Variants in ZBBX observed in about 807,000 individuals in gnomAD.
ZBBX encodes the protein zinc finger B-box domain-containing protein 1.
In ZBBX, 101 loss-of-function variants were observed where a neutral mutation model predicts 108.5. The observed-to-expected ratio is 0.93, with a 90% confidence interval of 0.79 to 1.10. ZBBX has a LOEUF of 1.10. ZBBX is among the 50% of genes least tolerant of loss of function. The probability of loss-of-function intolerance (pLI) is 0.00; values close to 1 mark genes in which losing one functional copy is unlikely to be tolerated. For synonymous variants in ZBBX, 356 were observed against 323.4 expected, an observed-to-expected ratio of 1.10 and a Z score of -1.08; for missense variants, 1,009 against 941.4, an observed-to-expected ratio of 1.07 and a Z score of -0.94.
the ZBBX span, among the ~76,000 whole-genome samples, chr3:167,214,673 A>AT: frequency 6.6e-6 from 1 of 152,164 alleles, no homozygotes; most frequent in Non-Finnish European, 1.5e-5. Flanking sequence ...TCCACACGAA[A>AT]TAACAGAATG....
At chr3:167,241,842 A>G (rs560961137) in intron 21 of ZBBX, among the ~76,000 whole-genome samples, 38 of 152,338 alleles carry the variant, frequency 2.5e-4, no homozygotes, top group African/African-American at 9.1e-4. Flanking sequence ...ATTAAATTTC[A>G]ATCAAAGAAA....
At chr3:167,366,010 A>C in intron 5 of ZBBX, 34 bp from the exon 6 acceptor site, 1 of 1,474,372 alleles carries the variant, frequency 6.8e-7, no homozygotes, top group Non-Finnish European at 9.4e-7. Flanking sequence ...AAATGTAATC[A>C]CTAAACACAT....
Position 167,385,848 on chromosome 3 carries a change from T to C in ZBBX, c.-445-5443A>G, listed in dbSNP as rs1042045426. ...ATCCCGTCACTGACTGAAACTTACA[T>C]GGTGCATAACTGTATAAGGTTAGTG... On this transcript the variant is annotated intron_variant, in intron 1 of 21. Coordinates refer to the ZBBX transcript ENST00000455345. 4.6e-5 allele frequency among the ~76,000 whole-genome samples: 7 copies of C among 152,066 alleles called. 1 individual carries two copies. Among genetic ancestry groups the C allele is most frequent in the Admixed American group, 4.6e-4 (7 of 15,246 alleles).
At chr3:167,204,747 G>T in the ZBBX span, among the ~76,000 whole-genome samples, 4 of 151,840 alleles carry the variant, frequency 2.6e-5, no homozygotes, top group African/African-American at 9.7e-5. Context: ...ACTCATTTGG[G>T]TATATACCCA....
the ZBBX span, among the ~76,000 whole-genome samples, chr3:167,220,435 A>G: frequency 1.3e-5 from 2 of 152,060 alleles, no homozygotes; most frequent in African/African-American, 4.8e-5. Flanking sequence ...TTCAACGTAC[A>G]CAAATTCATC....
rs149693633 is a variant in ZBBX, at chr3:167,385,881, G to A, written c.-445-5476C>T. Among the ~76,000 whole-genome samples the A allele has an allele frequency of 3.9e-3, 587 of 152,112 alleles. 8 individuals are homozygous for A. Among genetic ancestry groups the A allele is most frequent in the African/African-American group, 0.013 (547 of 41,508 alleles). On this transcript the variant is annotated intron_variant, in intron 1 of 21. Transcript: ENST00000455345. Reference sequence around the variant, plus strand: ...AACTGTATAAGGTTAGTGTTTCTTAGTTCCACCCAAGGATTGATAAGCAGA... The same window carrying A: ...AACTGTATAAGGTTAGTGTTTCTTAATTCCACCCAAGGATTGATAAGCAGA...
intron 1 of ZBBX, chr3:167,401,279 A>G (rs557468180): frequency 6.6e-6 from 1 of 152,320 alleles, no homozygotes; most frequent in East Asian, 1.9e-4. Flanking sequence ...TTAAAAGTTC[A>G]CTAGGCACTT....
chr3:167,348,316 G>GA (rs1395505728), intron 9 of ZBBX, among the ~76,000 whole-genome samples: 1 of 60,714 alleles, frequency 1.6e-5, no homozygotes, highest in Non-Finnish European at 3.0e-5. Context: ...GAAAGAAAGA[G>GA]AAAGAAAGAA....
At chr3:167,384,842 G>T (rs1488645508), upstream of ZBBX, among the ~76,000 whole-genome samples, 1 of 151,950 alleles carries the variant, frequency 6.6e-6, no homozygotes, top group Non-Finnish European at 1.5e-5. Flanking sequence ...TGCATTTACT[G>T]CAGACAAGCA....
chr3:167,348,372 A>AAGAAAGAAAGAAAG (rs1553833122), intron 9 of ZBBX, among the ~76,000 whole-genome samples: 190 of 104,810 alleles, frequency 1.8e-3, no homozygotes, highest in African/African-American at 5.8e-3. Context: ...AAGAAAGAAA[A>AAGAAAGAAAGAAAG]AAAAGAAAAG....
intron 20 of ZBBX, among the ~76,000 whole-genome samples, chr3:167,248,073 G>A (rs1216755302): frequency 6.6e-6 from 1 of 152,196 alleles, no homozygotes; most frequent in Non-Finnish European, 1.5e-5. Context: ...GTGCAAATCA[G>A]ATCAATTTTT....
intron 18 of ZBBX, among the ~76,000 whole-genome samples, chr3:167,296,793 A>G (rs1226745735): frequency 1.3e-5 from 2 of 151,706 alleles, no homozygotes; most frequent in East Asian, 3.9e-4. Context: ...TAAGGTGCCA[A>G]TGTTACCCAA....
At chr3:167,372,721 T>TA in intron 4 of ZBBX, 113 bp downstream of exon 4, 1 of 561,376 alleles carries the variant, frequency 1.8e-6, no homozygotes, top group Non-Finnish European at 3.1e-6. Flanking sequence ...TTCTTATAGA[T>TA]AAAAATACAG....
chr3:167,379,266 G>A (rs1191321543), intron 2 of ZBBX, among the ~76,000 whole-genome samples: 1 of 152,122 alleles, frequency 6.6e-6, no homozygotes, highest in Admixed American at 6.5e-5. Flanking sequence ...GAGGATCAAG[G>A]TCAACCAGAC....
chr3:167,383,341 T>C (rs1747806979), upstream of ZBBX, among the ~76,000 whole-genome samples: 2 of 152,048 alleles, frequency 1.3e-5, no homozygotes, highest in African/African-American at 4.8e-5. Context: ...CCTTGGTAAA[T>C]GCTAAATATA....
chr3:167,249,193 A>G (rs556969573), intron 20 of ZBBX, among the ~76,000 whole-genome samples: 1 of 152,034 alleles, frequency 6.6e-6, no homozygotes, highest in Admixed American at 6.5e-5. Context: ...GCTTGGCCTC[A>G]GGAAGGAACC....
At chr3:167,228,970 A>G in the ZBBX span, among the ~76,000 whole-genome samples, 2 of 151,882 alleles carry the variant, frequency 1.3e-5, no homozygotes, top group African/African-American at 4.8e-5. Context: ...AAAATAGACT[A>G]TGTTGCTTCC....
At position 167,372,928 on chromosome 3, in the gene ZBBX, G is replaced by A. The variant is rs1377345390; in HGVS notation, c.-27C>T. ...ATTACCACCTTAATATTGTCTAAAA[G>A]TTATTCTGATTTGTAAACACTTCTG... On this transcript the variant is annotated 5_prime_UTR_variant, in exon 4 of 22. Coordinates refer to ENST00000675490, the MANE Select transcript of ZBBX (RefSeq NM_001199201.2). 1 of 1,548,098 alleles carries A rather than the reference G, an allele frequency of 6.5e-7. No individual in the cohort carries two copies. The highest frequency in any genetic ancestry group is 8.7e-7 in the Non-Finnish European group (1 of 1,144,668).
the ZBBX span, among the ~76,000 whole-genome samples, chr3:167,217,992 C>T: frequency 1.3e-5 from 2 of 151,688 alleles, no homozygotes; most frequent in East Asian, 1.9e-4. Context: ...ATCTGCCCAC[C>T]TTGGCCTCCC....
Sources: gnomAD v4.1 joint callset for allele counts (sites outside exome capture counted in the v4.1 genomes callset) on GRCh38, gnomAD v4.1.1 for gene constraint, MANE v1.5 for transcripts, NCBI Gene and HGNC (gene_info 2026-07-23, HGNC 2026-07-21) for gene names.